Variants in EMCN observed in about 807,000 individuals in gnomAD.
EMCN encodes MUC-14.
In EMCN, 37 loss-of-function variants were observed where a neutral mutation model predicts 38.4. That is an observed-to-expected ratio of 0.96 (90% CI 0.74 to 1.27). The LOEUF (loss-of-function observed/expected upper bound fraction) is 1.27. Ranked by LOEUF, EMCN falls within the 50% of genes most tolerant of loss-of-function variation. The pLI, the probability that EMCN is intolerant of heterozygous loss-of-function variation, is 0.00. For missense variants in EMCN, 318 were observed against 302.8 expected, an observed-to-expected ratio of 1.05 and a Z score of -0.37; for synonymous variants, 95 against 100.8, an observed-to-expected ratio of 0.94 and a Z score of 0.35.
intron 4 of EMCN, among the ~76,000 whole-genome samples, chr4:100,451,237 G>A (rs940004963): frequency 5.3e-5 from 8 of 151,500 alleles, no homozygotes; most frequent in African/African-American, 1.2e-4. Context: ...TAAGTGCATC[G>A]ATTTAAAGAA....
chr4:100,415,839 G>A, intron 10 of EMCN, 59 bp downstream of exon 10: 2 of 1,190,382 alleles, frequency 1.7e-6, no homozygotes, highest in Non-Finnish European at 2.4e-6. Flanking sequence ...AAAATCCAAG[G>A]TTATAGTTAG....
At chr4:100,469,815 G>C (rs1318276670) in intron 3 of EMCN, among the ~76,000 whole-genome samples, 1 of 151,990 alleles carries the variant, frequency 6.6e-6, no homozygotes, top group African/African-American at 2.4e-5. Flanking sequence ...AGTATAGTTT[G>C]AAGTGAGGTA....
chr4:100,464,048 C>T (rs1159510045), intron 4 of EMCN, among the ~76,000 whole-genome samples: 1 of 151,898 alleles, frequency 6.6e-6, no homozygotes, highest in Non-Finnish European at 1.5e-5. Flanking sequence ...AATCTATAAA[C>T]ATGTAATGTA....
At chr4:100,516,370 C>T (rs1729756915) in intron 1 of EMCN, among the ~76,000 whole-genome samples, 1 of 151,894 alleles carries the variant, frequency 6.6e-6, no homozygotes, top group South Asian at 2.1e-4. Flanking sequence ...GTATTGCACT[C>T]GTCGATGCTT....
At chr4:100,479,609 G>T (rs1035606414) in intron 2 of EMCN, among the ~76,000 whole-genome samples, 2 of 152,008 alleles carry the variant, frequency 1.3e-5, no homozygotes, top group East Asian at 1.9e-4. Flanking sequence ...TATTTAGAAA[G>T]ATATTTTATG....
At chr4:100,451,052 A>AT (rs959532975) in intron 4 of EMCN, among the ~76,000 whole-genome samples, 11 of 151,764 alleles carry the variant, frequency 7.2e-5, no homozygotes, top group Non-Finnish European at 1.6e-4. Flanking sequence ...ATCTTAGTTT[A>AT]TTTTTTTAAA....
Position 100,423,333 on chromosome 4 carries a change from C to A in EMCN, c.487G>T (p.Glu163Ter). ...TLTSIPVTIP[E>*]NTSQSQVIGT... ...ATACCTTGAGACTGTGAGGTGTTTTCTGGAATTGTAACTGGTATTGAGGTT... is the reference window on the plus strand; with the variant it reads ...ATACCTTGAGACTGTGAGGTGTTTTATGGAATTGTAACTGGTATTGAGGTT... Residue 163 changes from glutamate to a stop codon, truncating the protein, a stop_gained, in exon 6 of 12, where the codon GAA (glutamate) becomes TAA (stop). Transcript: ENST00000296420. LOFTEE classifies it high-confidence loss of function. 6.2e-7 allele frequency: 1 copy of A among 1,612,758 alleles called. No individual in the cohort carries two copies. The highest frequency in any genetic ancestry group is 2.2e-5 in the East Asian group (1 of 44,816).
rs138104948 is a variant in EMCN, at chr4:100,468,073, G to T, written c.260-2534C>A. Among the ~76,000 whole-genome samples the T allele has an allele frequency of 1.4e-3, 207 of 152,234 alleles. 2 individuals carry two copies. Among genetic ancestry groups the T allele is most frequent in the African/African-American group, 4.7e-3 (197 of 41,550 alleles). On this transcript the variant is annotated intron_variant, in intron 3 of 11. Coordinates refer to ENST00000296420, the MANE Select transcript of EMCN (RefSeq NM_016242.4). ...CATGTATGTTTAAATCGTAGCTTTT[G>T]GTATAGGTGGGACACATTAAAGACA...
At chr4:100,498,463 T>A (rs756803040) in intron 1 of EMCN, among the ~76,000 whole-genome samples, 17 of 152,082 alleles carry the variant, frequency 1.1e-4, no homozygotes, top group Non-Finnish European at 2.1e-4. Flanking sequence ...GAAAGTAACA[T>A]GATACTTTCC....
intron 4 of EMCN, among the ~76,000 whole-genome samples, chr4:100,456,543 C>A (rs171429): frequency 0.89 from 135,692 of 152,182 alleles, 60,558 homozygotes; most frequent in South Asian, 0.96. Flanking sequence ...TCATTCAGTT[C>A]AAACTATTTG....
intron 5 of EMCN, among the ~76,000 whole-genome samples, chr4:100,431,568 G>A (rs555361250): frequency 6.6e-6 from 1 of 152,200 alleles, no homozygotes; most frequent in East Asian, 1.9e-4. Context: ...GCTCTTCTTG[G>A]AGCTTGAGGC....
At position 100,465,407 on chromosome 4, in the gene EMCN, A is replaced by C. The variant is rs1728287433; in HGVS notation, c.376+16T>G. The C allele has an allele frequency of 1.3e-6, 2 of 1,487,746 alleles. No individual in the cohort carries two copies. Among genetic ancestry groups the C allele is most frequent in the South Asian group, 2.4e-5 (2 of 82,988 alleles). 92.2% of individuals were successfully genotyped at this position (1,487,746 alleles called of 1,614,324 possible). A position where few individuals can be genotyped will look rare whatever the true frequency, so the allele number is the denominator to read the frequency against. On this transcript the variant is annotated intron_variant, in intron 4 of 11. Coordinates refer to ENST00000296420, the MANE Select transcript of EMCN (RefSeq NM_016242.4). ...ACACACTAGTTTAACACTTCAGCAC[A>C]AATCCTCATACTTACTCTTGGGTTT...
chr4:100,430,751 A>C (rs1727173781), intron 5 of EMCN, among the ~76,000 whole-genome samples: 1 of 152,218 alleles, frequency 6.6e-6, no homozygotes, highest in South Asian at 2.1e-4. Flanking sequence ...AGCCATACCC[A>C]GAATCTGTAC....
intron 1 of EMCN, among the ~76,000 whole-genome samples, chr4:100,509,892 C>T (rs890215018): frequency 6.8e-6 from 1 of 146,466 alleles, no homozygotes; most frequent in African/African-American, 2.5e-5. Context: ...TTAATGTTAA[C>T]TTATACAATA....
At chr4:100,404,179 A>G (rs1726333645) in intron 11 of EMCN, among the ~76,000 whole-genome samples, 2 of 152,008 alleles carry the variant, frequency 1.3e-5, no homozygotes, top group African/African-American at 2.4e-5. Context: ...TAGGGATTTT[A>G]TAGTTTTTGT....
chr4:100,465,229 T>C (rs1728281907), intron 4 of EMCN, among the ~76,000 whole-genome samples, 194 bp downstream of exon 4: 2 of 152,172 alleles, frequency 1.3e-5, no homozygotes, highest in Non-Finnish European at 2.9e-5. Flanking sequence ...TTGTGACCCA[T>C]TCCTTTGTGG....
At chr4:100,490,139 G>GT (rs1729039399) in intron 1 of EMCN, among the ~76,000 whole-genome samples, 2 of 142,890 alleles carry the variant, frequency 1.4e-5, no homozygotes, top group African/African-American at 5.2e-5. Context: ...GCTAATATGT[G>GT]TTTTTGTGTC....
Position 100,421,336 on chromosome 4 carries a change from G to C in EMCN, c.610C>G (p.Leu204Val). The C allele has an allele frequency of 6.2e-7, 1 of 1,612,846 alleles. No individual in the cohort carries two copies. Among genetic ancestry groups the C allele is most frequent in the African/African-American group, 1.3e-5 (1 of 74,976 alleles). ...AAACCCACCAGAACAAATACTGAAA[G>C]TGTTATTACAATCAAAGCAATAACC... ...PVVIALIVIT[L>V]SVFVLVGLYR... The change falls in exon 8 of 12, where the codon CTT becomes GTT. Residue 204 changes from leucine (L) to valine (V), a missense_variant. Leu to Val is a conservative substitution (Grantham distance 32, BLOSUM62 1). Coordinates refer to ENST00000296420, the MANE Select transcript of EMCN (RefSeq NM_016242.4).
chr4:100,473,373 GTTTTTTTTTTT>G (rs1256284835), intron 3 of EMCN, among the ~76,000 whole-genome samples: 1 of 65,984 alleles, frequency 1.5e-5, no homozygotes, highest in African/African-American at 4.6e-5. Context: ...GTGTTTTTTT[GTTTTTTTTTTT>G]TGTTTTTTTT....
Sources: gnomAD v4.1 joint callset for allele counts (sites outside exome capture counted in the v4.1 genomes callset) on GRCh38, gnomAD v4.1.1 for gene constraint, MANE v1.5 for transcripts, NCBI Gene and HGNC (gene_info 2026-07-23, HGNC 2026-07-21) for gene names.